PPP6R2: variants seen among roughly 807,000 people sequenced by gnomAD.
The protein encoded by PPP6R2 is serine/threonine-protein phosphatase 6 regulatory subunit 2.
PPP6R2 carries 62 observed loss-of-function variants against 100.2 expected under a neutral mutation model. The observed-to-expected ratio is 0.62, with a 90% CI of 0.50 to 0.76. PPP6R2 has a LOEUF of 0.76. Among genes scored for constraint, PPP6R2 ranks in the 30% least tolerant of loss-of-function variants. PPP6R2 has a pLI of 0.00. For missense variants in PPP6R2, 1,142 were observed against 1,276.3 expected, an observed-to-expected ratio of 0.89 and a Z score of 1.60; for synonymous variants, 525 against 514.7, an observed-to-expected ratio of 1.02 and a Z score of -0.27.
intron 10 of PPP6R2, among the ~76,000 whole-genome samples, chr22:50,427,600 T>C (rs1231284921): frequency 6.6e-6 from 1 of 152,236 alleles, no homozygotes; most frequent in Admixed American, 6.5e-5. Context: ...TTGCCCAGGC[T>C]GGAGTGCAGT....
intron 1 of PPP6R2, among the ~76,000 whole-genome samples, chr22:50,371,503 A>G (rs2050195853): frequency 6.6e-6 from 1 of 152,184 alleles, no homozygotes; most frequent in African/African-American, 2.4e-5. Context: ...CTCTTTAAAA[A>G]AGAAAAAAAA....
Position 50,444,127 on chromosome 22 carries a change from T to C in PPP6R2, c.2831+10T>C, listed in dbSNP as rs979708852. The stretch of plus-strand genomic sequence containing the variant: ...CAGTGACAAAGGACGGGTGAGCAGG[T>C]TGAGTGTGGGGGTAGGGGGTGTGGA... On this transcript the variant is annotated intron_variant, in intron 23 of 23. Transcript: ENST00000612753. 1.2e-6 allele frequency: 2 copies of C among 1,611,378 alleles called. No homozygotes were observed. Among genetic ancestry groups the C allele is most frequent in the African/African-American group, 1.3e-5 (1 of 74,930 alleles).
chr22:50,407,086 C>T (rs141308521), intron 4 of PPP6R2, among the ~76,000 whole-genome samples: 1 of 152,106 alleles, frequency 6.6e-6, no homozygotes, highest in Admixed American at 6.6e-5. Flanking sequence ...GTGGCTCAAG[C>T]CTGTAATCCC....
At chr22:50,335,806 T>A in the PPP6R2 span, among the ~76,000 whole-genome samples, 1 of 140,690 alleles carries the variant, frequency 7.1e-6, no homozygotes, top group Admixed American at 7.2e-5. Context: ...CTCCCCAGTA[T>A]CTGGGACTAC....
At chr22:50,333,486 G>A in the PPP6R2 span, among the ~76,000 whole-genome samples, 40 of 152,048 alleles carry the variant, frequency 2.6e-4, no homozygotes, top group African/African-American at 7.2e-4. Flanking sequence ...ACAGGCGCCT[G>A]CCACCACGCC....
intron 1 of PPP6R2, among the ~76,000 whole-genome samples, chr22:50,353,817 C>CTT (rs111868603): frequency 1.2e-4 from 17 of 137,378 alleles, no homozygotes; most frequent in African/African-American, 3.5e-4. Flanking sequence ...AAGCCTCTCC[C>CTT]TTTTTTTTTT....
At chr22:50,392,074 G>A (rs1012864997) in intron 2 of PPP6R2, 1 of 152,036 alleles carries the variant, frequency 6.6e-6, no homozygotes, top group Non-Finnish European at 1.5e-5. Context: ...TGTGTGTGGA[G>A]GCAGCCATCT....
intron 2 of PPP6R2, among the ~76,000 whole-genome samples, chr22:50,389,723 C>T (rs1289672026): frequency 5.9e-5 from 9 of 151,954 alleles, no homozygotes; most frequent in South Asian, 2.1e-4. Flanking sequence ...CTCAGCCTCC[C>T]GACTAGCTGG....
chr22:50,363,098 A>T (rs574384129), intron 1 of PPP6R2, among the ~76,000 whole-genome samples: 16 of 152,114 alleles, frequency 1.1e-4, no homozygotes, highest in East Asian at 1.9e-4. Context: ...GTGGGGATTT[A>T]AAAAAAATGT....
intron 1 of PPP6R2, among the ~76,000 whole-genome samples, chr22:50,357,244 G>A (rs2046798553): frequency 6.6e-6 from 1 of 152,014 alleles, no homozygotes; most frequent in Non-Finnish European, 1.5e-5. Context: ...ACTTTTAGGA[G>A]TTTACAAAAA....
At chr22:50,399,449 C>A (rs2149012868) in intron 3 of PPP6R2, among the ~76,000 whole-genome samples, 1 of 152,376 alleles carries the variant, frequency 6.6e-6, no homozygotes, top group African/African-American at 2.4e-5. Flanking sequence ...CTCTGCTATC[C>A]TTGCCTAGTG....
At chr22:50,422,891 C>T (rs1014287143) in intron 9 of PPP6R2, among the ~76,000 whole-genome samples, 11 of 152,240 alleles carry the variant, frequency 7.2e-5, no homozygotes, top group African/African-American at 2.2e-4. Context: ...GTAAGATCCA[C>T]CTGTCCCACT....
chr22:50,423,584 C>G lies in PPP6R2; in HGVS notation c.1095C>G (p.Leu365=). ...ACACACCCAGCATCAACCAGGAGCT[C>G]TGCCGGCTCAACACGATGGACTTAC... ...HTNTPSINQE[L]CRLNTMDLLL... is the part of the protein sequence containing the mutation. The change falls in exon 10 of 24, where the codon CTC becomes CTG. Residue 365 remains leucine (L), a synonymous_variant. Transcript: ENST00000612753. This position sits in a 1 kb window ranked among gnomAD's most constrained non-coding sequence, Gnocchi z 4.8. 2 of 1,614,186 alleles carry G rather than the reference C, an allele frequency of 1.2e-6. No individual in the cohort carries two copies. Among genetic ancestry groups the G allele is most frequent in the Non-Finnish European group, 1.7e-6 (2 of 1,180,044 alleles).
In PPP6R2 at chr22:50,431,135, C is replaced by T. The variant is rs752626616; in HGVS notation, c.1126-38C>T. 5 of 1,533,058 alleles carry T rather than the reference C, an allele frequency of 3.3e-6. No individual in the cohort carries two copies. Among genetic ancestry groups the T allele is most frequent in the Non-Finnish European group, 4.5e-6 (5 of 1,111,258 alleles). The allele number at this position is 1,533,058 out of a possible 1,614,324, so 95.0% of individuals were successfully genotyped here. A position where few individuals can be genotyped will look rare whatever the true frequency, so the allele number is the denominator to read the frequency against. On this transcript the variant is annotated intron_variant, in intron 10 of 23. Coordinates refer to ENST00000612753, the MANE Select transcript of PPP6R2 (RefSeq NM_001242898.2). The surrounding 1 kb of genome is among the most constrained non-coding windows in gnomAD (Gnocchi z 4.8). ...TTGTGGTGTAGCCGGCAGGAGAAAA[C>T]CGATCTAAGAACTGTCTTCTGTCCT...
Position 50,416,109 on chromosome 22 carries a change from G to A in PPP6R2, c.570G>A (p.Lys190=), listed in dbSNP as rs537595216. 5.0e-6 allele frequency: 8 copies of A among 1,613,724 alleles called. No homozygotes were observed. In the African/African-American group the frequency reaches 5.3e-5, roughly 11 times the overall value. ...QDVLHWLNEE[K]VIQRLVELIH... ...TCTTTCAGTGGCTGAATGAAGAGAA[G>A]GTCATCCAGAGGCTTGTGGAGTTGA... Residue 190 remains lysine, a synonymous_variant, in exon 6 of 24, where the codon AAG becomes AAA. Transcript: ENST00000612753.
intron 3 of PPP6R2, among the ~76,000 whole-genome samples, chr22:50,404,340 CT>C (rs772047693): frequency 3.6e-4 from 55 of 152,054 alleles, no homozygotes; most frequent in Non-Finnish European, 6.9e-4. Context: ...GGTGATCCAC[CT>C]GCCTCGGCCT....
upstream of PPP6R2, among the ~76,000 whole-genome samples, chr22:50,339,103 A>AGT (rs2042338622): frequency 1.2e-5 from 1 of 84,420 alleles, no homozygotes; most frequent in African/African-American, 4.8e-5. Context: ...TGTGGTATGT[A>AGT]GTGTGGTATG....
chr22:50,337,588 A>C, the PPP6R2 span, among the ~76,000 whole-genome samples: 1 of 89,284 alleles, frequency 1.1e-5, no homozygotes, highest in African/African-American at 7.3e-5. Flanking sequence ...TGTGTGTGCG[A>C]TGTGTGGTGT....
chr22:50,366,220 A>G (rs1479336201), intron 1 of PPP6R2, among the ~76,000 whole-genome samples: 1 of 151,896 alleles, frequency 6.6e-6, no homozygotes, highest in African/African-American at 2.4e-5. Flanking sequence ...TCTTCTGAGC[A>G]TTACGTCCAA....
Sources: gnomAD v4.1 joint callset for allele counts (sites outside exome capture counted in the v4.1 genomes callset) on GRCh38, gnomAD v4.1.1 for gene constraint, Gnocchi (gnomAD v3.1) non-coding constraint, MANE v1.5 for transcripts, NCBI Gene and HGNC (gene_info 2026-07-23, HGNC 2026-07-21) for gene names.